Variants in RCOR3 observed in about 807,000 individuals in gnomAD.
The protein encoded by RCOR3 is REST corepressor 3.
In RCOR3, 13 loss-of-function variants were observed where a neutral mutation model predicts 64.1. The ratio of observed to expected loss-of-function variants is 0.20; its 90% CI spans 0.13 to 0.32. The LOEUF (loss-of-function observed/expected upper bound fraction) is 0.32. Among genes scored for constraint, RCOR3 ranks in the 10% least tolerant of loss-of-function variants. RCOR3 has a pLI of 1.00. For missense variants in RCOR3, 489 were observed against 701.2 expected (o/e 0.70, Z 3.42); for synonymous variants, 215 against 239.0 (o/e 0.90, Z 0.93).
In RCOR3 at chr1:211,313,844, G is replaced by C. The variant is rs1701726174; in HGVS notation, c.*76G>C. Reference sequence around the variant, plus strand: ...GTGCTCATCTGACTGATGAAAAAGAGGAAAGAATAATCATTTCTAGATACT... The same window carrying C: ...GTGCTCATCTGACTGATGAAAAAGACGAAAGAATAATCATTTCTAGATACT... On this transcript the variant is annotated 3_prime_UTR_variant, in exon 12 of 12. Coordinates refer to ENST00000419091, the MANE Select transcript of RCOR3 (RefSeq NM_001136223.3). This position sits in a 1 kb window ranked among gnomAD's most constrained non-coding sequence, Gnocchi z 4.7. 2 of 1,293,862 alleles carry C rather than the reference G, an allele frequency of 1.5e-6. No homozygotes were observed. Among genetic ancestry groups the C allele is most frequent in the East Asian group, 4.8e-5 (2 of 41,802 alleles). The allele number at this position is 1,293,862 out of a possible 1,614,324, so 80.1% of individuals were successfully genotyped here. A position where few individuals can be genotyped will look rare whatever the true frequency, so the allele number is the denominator to read the frequency against.
chr1:211,315,649 C>T lies in RCOR3; in HGVS notation c.*1881C>T, dbSNP rs1701828593. The T allele has an allele frequency of 6.6e-6, 1 of 152,180 alleles. No homozygotes were observed. Among genetic ancestry groups the T allele is most frequent in the Non-Finnish European group, 1.5e-5 (1 of 68,016 alleles). 9.4% of individuals were successfully genotyped at this position (152,180 alleles called of 1,614,324 possible). A position where few individuals can be genotyped will look rare whatever the true frequency, so the allele number is the denominator to read the frequency against. On this transcript the variant is annotated 3_prime_UTR_variant, in exon 12 of 12. Transcript: ENST00000419091. ...ACCTTTACAGCGTTTATTGTCTTGT[C>T]TCTTGTCAGTAGACCTTCAGTACAC... is the stretch of plus-strand genomic sequence containing the variant.
intron 5 of RCOR3, among the ~76,000 whole-genome samples, chr1:211,276,676 G>A (rs1477675492): frequency 4.0e-5 from 6 of 151,746 alleles, no homozygotes; most frequent in East Asian, 1.9e-4. Context: ...GAGTTATTTC[G>A]TATGTTTATT....
chr1:211,272,482 G>C (rs1048357207), intron 3 of RCOR3, among the ~76,000 whole-genome samples: 2 of 151,892 alleles, frequency 1.3e-5, no homozygotes, highest in Non-Finnish European at 2.9e-5. Context: ...TGAAGGTGTA[G>C]TGCAATGGTT....
At chr1:211,260,228 G>T in intron 2 of RCOR3, 64 bp downstream of exon 2, 3 of 1,494,094 alleles carry the variant, frequency 2.0e-6, no homozygotes, top group Non-Finnish European at 1.9e-6. Context: ...GGGGTGGACG[G>T]GCTAGGAGTC....
chr1:211,267,332 T>C (rs1020707291), intron 2 of RCOR3, among the ~76,000 whole-genome samples: 6 of 152,214 alleles, frequency 3.9e-5, no homozygotes, highest in African/African-American at 1.4e-4. Context: ...CACTGAAATA[T>C]CCCTTACTTC....
intron 9 of RCOR3, chr1:211,303,837 T>A (rs1300984955): frequency 3.2e-6 from 1 of 315,220 alleles, no homozygotes; most frequent in Non-Finnish European, 5.8e-6. Context: ...TTGATATCTC[T>A]AATTAGAGCA....
At chr1:211,291,783 C>T (rs1000593967) in intron 8 of RCOR3, among the ~76,000 whole-genome samples, 1 of 152,188 alleles carries the variant, frequency 6.6e-6, no homozygotes, top group South Asian at 2.1e-4. Context: ...AATCTAGCTT[C>T]TGCCCCGTAT....
Position 211,313,119 on chromosome 1 carries a change from A to G in RCOR3, c.1317+158A>G. 1 of 1,506,612 alleles carries G rather than the reference A, an allele frequency of 6.6e-7. No homozygotes were observed. Among genetic ancestry groups the G allele is most frequent in the African/African-American group, 1.4e-5 (1 of 71,504 alleles). 93.3% of individuals were successfully genotyped at this position (1,506,612 alleles called of 1,614,324 possible). On this transcript the variant is annotated intron_variant, in intron 11 of 11. Transcript: ENST00000419091. The surrounding 1 kb of genome is among the most constrained non-coding windows in gnomAD (Gnocchi z 4.7). ...GTGCATCTCTCGTGACTCTTAAGTC[A>G]TAATGACATGCTAAGTTCTGATTCT...
intron 7 of RCOR3, among the ~76,000 whole-genome samples, chr1:211,280,179 C>T (rs1697583066): frequency 6.6e-6 from 1 of 152,078 alleles, no homozygotes; most frequent in Non-Finnish European, 1.5e-5. Flanking sequence ...AACATTCTTC[C>T]CTTCCTACAC....
At chr1:211,272,122 G>A (rs34256746) in intron 3 of RCOR3, among the ~76,000 whole-genome samples, 17,663 of 152,168 alleles carry the variant, frequency 0.12, 1,145 homozygotes, top group South Asian at 0.2. Flanking sequence ...TGAAAACTGA[G>A]TATGTTTCTG....
At chr1:211,287,513 A>T (rs1384401160) in intron 7 of RCOR3, among the ~76,000 whole-genome samples, 2 of 152,236 alleles carry the variant, frequency 1.3e-5, no homozygotes, top group Non-Finnish European at 2.9e-5. Context: ...CCCTACTGGG[A>T]GGAGTTTCTC....
intron 2 of RCOR3, chr1:211,267,784 G>T: frequency 3.1e-6 from 1 of 327,582 alleles, no homozygotes; most frequent in East Asian, 1.3e-4. Context: ...GTAGAGACAA[G>T]GTCTTGCTAT....
chr1:211,264,412 T>C (rs145647690), intron 2 of RCOR3, among the ~76,000 whole-genome samples: 103 of 152,336 alleles, frequency 6.8e-4, no homozygotes, highest in African/African-American at 2.4e-3. Flanking sequence ...CCAGGGGTCA[T>C]AGCTCATGAG....
intron 10 of RCOR3, among the ~76,000 whole-genome samples, chr1:211,307,596 T>A (rs1700984026): frequency 6.6e-6 from 1 of 152,138 alleles, no homozygotes; most frequent in African/African-American, 2.4e-5. Flanking sequence ...TTAGCTGTTT[T>A]CAAAAAACAA....
At chr1:211,264,647 G>T (rs1309230030) in intron 2 of RCOR3, among the ~76,000 whole-genome samples, 3 of 147,182 alleles carry the variant, frequency 2.0e-5, no homozygotes, top group East Asian at 1.9e-4. Flanking sequence ...TGGCGCCACT[G>T]TACTATACCC....
rs1203066621 is a variant in RCOR3 at position 211,260,307 on chromosome 1, C to T, written c.223+143C>T. On this transcript the variant is annotated intron_variant, in intron 2 of 11. Transcript: ENST00000419091. ...CATCCGTGGCGGGGAGGCTGTCAGG[C>T]TTGGCCGGGCTGTGACACTGGGCGT... 11 of 692,384 alleles carry T rather than the reference C, an allele frequency of 1.6e-5. No individual in the cohort carries two copies. In the African/African-American group the frequency reaches 1.8e-4, roughly 11 times the overall value. The allele number at this position is 692,384 out of a possible 1,614,324, so 42.9% of individuals were successfully genotyped here.
At chr1:211,309,812 G>T (rs1701305553) in intron 10 of RCOR3, among the ~76,000 whole-genome samples, 1 of 152,214 alleles carries the variant, frequency 6.6e-6, no homozygotes, top group Non-Finnish European at 1.5e-5. Context: ...GTTAGTTGCT[G>T]CTTATCACTA....
At chr1:211,282,576 AC>A (rs1697967262) in intron 7 of RCOR3, among the ~76,000 whole-genome samples, 1 of 149,688 alleles carries the variant, frequency 6.7e-6, no homozygotes, top group Non-Finnish European at 1.5e-5. Context: ...ATCTCGGCTC[AC>A]TGCAACCTCC....
intron 1 of RCOR3, 54 bp from the exon 2 acceptor site, chr1:211,260,053 TC>T: frequency 4.0e-6 from 6 of 1,510,248 alleles, no homozygotes; most frequent in Non-Finnish European, 5.3e-6. Context: ...TCTTCCTTTT[TC>T]TTTCTTTTCT....
Sources: gnomAD v4.1 joint callset for allele counts (sites outside exome capture counted in the v4.1 genomes callset) on GRCh38, gnomAD v4.1.1 for gene constraint, Gnocchi (gnomAD v3.1) non-coding constraint, MANE v1.5 for transcripts, NCBI Gene and HGNC (gene_info 2026-07-23, HGNC 2026-07-21) for gene names.